The following RBFOX1 variants were observed in gnomAD, a reference collection of about 807,000 sequenced individuals.
The protein encoded by RBFOX1 is RNA binding protein fox-1 homolog 1.
Under a neutral mutation model 57.7 loss-of-function variants are expected in RBFOX1, and 8 were observed. That is an observed-to-expected ratio of 0.14 (90% CI 0.08 to 0.25). The LOEUF is 0.25. Ranked by LOEUF, RBFOX1 falls within the 10% of genes least tolerant of loss-of-function variation. The probability of loss-of-function intolerance (pLI) is 1.00; values close to 1 mark genes in which losing one functional copy is unlikely to be tolerated. For missense variants in RBFOX1, 611 were observed against 548.5 expected (o/e 1.11, Z -1.14); for synonymous variants, 326 against 222.4 (o/e 1.47, Z -4.15).
chr16:6,893,089 C>G (rs1222352594), intron 3 of RBFOX1, among the ~76,000 whole-genome samples: 1 of 152,168 alleles, frequency 6.6e-6, no homozygotes, highest in Non-Finnish European at 1.5e-5. Context: ...GCCCACCTCA[C>G]CTGACCCTCC....
intron 2 of RBFOX1, among the ~76,000 whole-genome samples, chr16:6,451,105 C>G (rs1198435027): frequency 6.6e-6 from 1 of 151,434 alleles, no homozygotes; most frequent in African/African-American, 2.4e-5. Flanking sequence ...CTCTTCCTTT[C>G]TCATCCCATG....
chr16:6,720,409 C>G (rs996920084), intron 3 of RBFOX1, among the ~76,000 whole-genome samples: 77 of 152,288 alleles, frequency 5.1e-4, no homozygotes, highest in Non-Finnish European at 9.7e-4. Flanking sequence ...CCATGTAAAT[C>G]TCTTTCTTTA....
chr16:6,848,215 T>G (rs142846102), intron 3 of RBFOX1, among the ~76,000 whole-genome samples: 23 of 152,070 alleles, frequency 1.5e-4, no homozygotes, highest in African/African-American at 5.3e-4. Context: ...GGCGACACCA[T>G]GGTGAGCTCG....
intron 2 of RBFOX1, among the ~76,000 whole-genome samples, chr16:6,368,134 T>G (rs2089930722): frequency 6.6e-6 from 1 of 152,220 alleles, no homozygotes; most frequent in Admixed American, 6.5e-5. Context: ...AGTTTCACAT[T>G]CATTGGCTGT....
At chr16:6,443,310 C>G (rs1427240177) in intron 2 of RBFOX1, among the ~76,000 whole-genome samples, 1 of 152,114 alleles carries the variant, frequency 6.6e-6, no homozygotes, top group African/African-American at 2.4e-5. Context: ...TCTCTTTTCC[C>G]TACTACTACA....
intron 2 of RBFOX1, among the ~76,000 whole-genome samples, chr16:6,553,297 T>G (rs2097026384): frequency 6.6e-6 from 1 of 152,216 alleles, no homozygotes; most frequent in Admixed American, 6.5e-5. Context: ...AGACAGCAGC[T>G]TTTGGGTTGA....
At chr16:5,397,265 C>A (rs2066585225) in intron 1 of RBFOX1, among the ~76,000 whole-genome samples, 1 of 152,178 alleles carries the variant, frequency 6.6e-6, no homozygotes. Flanking sequence ...TTCATGGTAT[C>A]CTCTTGAACT....
chr16:5,536,147 T>C (rs994983172), intron 2 of RBFOX1, among the ~76,000 whole-genome samples: 1 of 149,802 alleles, frequency 6.7e-6, no homozygotes, highest in Non-Finnish European at 1.5e-5. Context: ...CCTCAACTTA[T>C]TTCTCTCCTC....
rs182922432 is a variant in RBFOX1, at chr16:6,259,155, A to T, written c.-126-57840A>T. On this transcript the variant is annotated intron_variant, in intron 1 of 15. Transcript: ENST00000550418. ...TATGAATTTTTCATTAATTACTCTG[A>T]CTGAAATTGGATACAAGCCTAGCTT... Among the ~76,000 whole-genome samples, 12 of 152,286 alleles carry T rather than the reference A, an allele frequency of 7.9e-5. No individual in the cohort carries two copies. The East Asian group carries it at 1.4e-3, about 17-fold the overall frequency.
intron 1 of RBFOX1, among the ~76,000 whole-genome samples, chr16:5,273,502 T>A (rs1410590037): frequency 6.6e-6 from 1 of 152,142 alleles, no homozygotes; most frequent in Non-Finnish European, 1.5e-5. Flanking sequence ...ATCACCTCCC[T>A]GAAGAGGGCG....
intron 3 of RBFOX1, chr16:6,703,753 A>C (rs1219673713): frequency 6.6e-6 from 1 of 152,328 alleles, no homozygotes. Context: ...TGAGAGTTCA[A>C]GGACAAGACC....
intron 4 of RBFOX1, among the ~76,000 whole-genome samples, chr16:5,881,171 C>T (rs1301214210): frequency 6.6e-6 from 1 of 152,182 alleles, no homozygotes; most frequent in African/African-American, 2.4e-5. Context: ...CTTGGATCCC[C>T]AGTGAAGAAT....
rs959804049 is a variant in RBFOX1, at chr16:6,371,754, G to GCACATA, written c.-64+54703_-64+54708dup. Among the ~76,000 whole-genome samples, 67 of 152,198 alleles carry GCACATA rather than the reference G, an allele frequency of 4.4e-4. 1 individual carries two copies. The highest frequency in any genetic ancestry group is 3.5e-3 in the Admixed American group (54 of 15,268). ...TAGAACTAGGAAAAAATACACACAT[G>GCACATA]CACATACACATGTATATATAATTAT... On this transcript the variant is annotated intron_variant, in intron 2 of 15. Transcript: ENST00000550418.
chr16:6,271,077 A>G (rs933139634), intron 1 of RBFOX1, among the ~76,000 whole-genome samples: 1 of 152,222 alleles, frequency 6.6e-6, no homozygotes, highest in African/African-American at 2.4e-5. Flanking sequence ...AAATGAATAC[A>G]TTAGAGAAGA....
intron 4 of RBFOX1, among the ~76,000 whole-genome samples, chr16:7,273,375 G>T (rs1332478199): frequency 1.3e-5 from 2 of 152,012 alleles, no homozygotes; most frequent in Non-Finnish European, 2.9e-5. Flanking sequence ...CAGACCTCCT[G>T]TTGGACTGAT....
At chr16:7,113,613 A>G (rs1454741719) in intron 4 of RBFOX1, among the ~76,000 whole-genome samples, 2 of 152,234 alleles carry the variant, frequency 1.3e-5, no homozygotes, top group Non-Finnish European at 2.9e-5. Context: ...ATGTTAGCAT[A>G]GAGTGCAATA....
chr16:6,691,439 T>C (rs551578608), intron 3 of RBFOX1, among the ~76,000 whole-genome samples: 2 of 151,236 alleles, frequency 1.3e-5, no homozygotes, highest in South Asian at 4.2e-4. Flanking sequence ...CCTTCCTCAG[T>C]ACCTTTACCA....
At chr16:5,856,575 G>GTGTGTATATATATATATATATA (rs1192496608) in intron 3 of RBFOX1, among the ~76,000 whole-genome samples, 2 of 32,926 alleles carry the variant, frequency 6.1e-5, no homozygotes, top group Admixed American at 3.1e-4. Flanking sequence ...GTGTGTGTGT[G>GTGTGTATATATATATATATATA]TATATATATA....
At chr16:6,458,402 C>T (rs1224386711) in intron 2 of RBFOX1, among the ~76,000 whole-genome samples, 1 of 152,150 alleles carries the variant, frequency 6.6e-6, no homozygotes, top group Non-Finnish European at 1.5e-5. Context: ...TGAAGATAGC[C>T]GTAGAACCAG....
Sources: gnomAD v4.1 joint callset for allele counts (sites outside exome capture counted in the v4.1 genomes callset) on GRCh38, gnomAD v4.1.1 for gene constraint, MANE v1.5 for transcripts, NCBI Gene and HGNC (gene_info 2026-07-23, HGNC 2026-07-21) for gene names.